The following PDE6A variants were observed in gnomAD, a reference collection of about 807,000 sequenced individuals.
The protein encoded by PDE6A is rod cGMP-specific 3',5'-cyclic phosphodiesterase subunit alpha.
A neutral mutation model predicts 106.3 loss-of-function variants in PDE6A; 84 were observed. The observed-to-expected ratio is 0.79, with a 90% CI of 0.66 to 0.95. The LOEUF (loss-of-function observed/expected upper bound fraction) is 0.95, where lower values mean the gene tolerates loss of function less well. Among genes scored for constraint, PDE6A ranks in the 40% least tolerant of loss-of-function variants. The pLI, the probability that PDE6A is intolerant of heterozygous loss-of-function variation, is 0.00. For missense variants in PDE6A, 1,052 were observed against 1,084.9 expected (o/e 0.97, Z 0.43); for synonymous variants, 394 against 386.6 (o/e 1.02, Z -0.23).
At chr5:149,885,418 A>G (rs977515461) in intron 14 of PDE6A, among the ~76,000 whole-genome samples, 2 of 152,204 alleles carry the variant, frequency 1.3e-5, no homozygotes, top group African/African-American at 4.8e-5. Flanking sequence ...TGCTCTGCCC[A>G]GCCCACTGGG....
At chr5:149,871,683 TGCGAGGGGATGG>T (rs1760561071) in intron 17 of PDE6A, among the ~76,000 whole-genome samples, 1 of 152,106 alleles carries the variant, frequency 6.6e-6, no homozygotes, top group African/African-American at 2.4e-5. Flanking sequence ...CAGGCGCCGC[TGCGAGGGGATGG>T]TTTTCATGCT....
chr5:149,918,449 T>G (rs1192174055), intron 5 of PDE6A, among the ~76,000 whole-genome samples: 1 of 152,192 alleles, frequency 6.6e-6, no homozygotes, highest in Non-Finnish European at 1.5e-5. Flanking sequence ...ACCTAAATGT[T>G]CCTGCAAAGA....
At chr5:149,882,982 T>C (rs1048764885) in intron 17 of PDE6A, among the ~76,000 whole-genome samples, 2 of 152,078 alleles carry the variant, frequency 1.3e-5, no homozygotes, top group African/African-American at 4.8e-5. Flanking sequence ...TGCTTGAACC[T>C]GGGAGGCGGA....
chr5:149,902,842 G>A (rs1254323970), intron 8 of PDE6A, among the ~76,000 whole-genome samples: 1 of 150,078 alleles, frequency 6.7e-6, no homozygotes, highest in Non-Finnish European at 1.5e-5. Flanking sequence ...AAACCAAGGA[G>A]AGAGAAATTA....
intron 7 of PDE6A, among the ~76,000 whole-genome samples, chr5:149,906,870 G>A (rs943988556): frequency 3.3e-5 from 5 of 151,976 alleles, no homozygotes; most frequent in Non-Finnish European, 1.5e-5. Flanking sequence ...CTCCCAGGTT[G>A]AGGTGATTCT....
In PDE6A at chr5:149,921,620, T is replaced by C. The variant is rs1432984935; in HGVS notation, c.933+15A>G. The C allele has an allele frequency of 1.9e-6, 3 of 1,601,318 alleles. No homozygotes were observed. In the South Asian group the frequency reaches 3.3e-5, roughly 18 times the overall value. ...AATATATTAAATCATACTGAAAAGG[T>C]CAGAGAGAACGTACTCTTCCATCCG... On this transcript the variant is annotated intron_variant, in intron 5 of 21. Transcript: ENST00000255266.
At chr5:149,886,217 TG>T in intron 14 of PDE6A, 47 bp downstream of exon 14, 1 of 1,353,888 alleles carries the variant, frequency 7.4e-7, no homozygotes, top group Non-Finnish European at 1.1e-6. Context: ...CACACAGAGC[TG>T]GATAATGAAT....
chr5:149,920,167 A>G (rs773939735), intron 5 of PDE6A, among the ~76,000 whole-genome samples: 4 of 152,164 alleles, frequency 2.6e-5, no homozygotes, highest in Non-Finnish European at 5.9e-5. Context: ...ATCTCTATAT[A>G]AAAAACAAAA....
intron 4 of PDE6A, among the ~76,000 whole-genome samples, chr5:149,924,125 T>C (rs1259413762): frequency 6.6e-6 from 1 of 152,152 alleles, no homozygotes; most frequent in Non-Finnish European, 1.5e-5. Flanking sequence ...ACCTGCTGAC[T>C]GCTAGTTATA....
At chr5:149,871,671 C>G (rs1760559610) in intron 17 of PDE6A, among the ~76,000 whole-genome samples, 1 of 152,090 alleles carries the variant, frequency 6.6e-6, no homozygotes, top group South Asian at 2.1e-4. Context: ...CCATGCAGAG[C>G]CCAGGCGCCG....
At chr5:149,936,702 C>G (rs1055273227) in intron 1 of PDE6A, among the ~76,000 whole-genome samples, 3 of 152,170 alleles carry the variant, frequency 2.0e-5, no homozygotes, top group African/African-American at 7.2e-5. Flanking sequence ...TCTAAACAAC[C>G]ATGTCACAGA....
chr5:149,908,079 TGTTA>T (rs984925046), intron 6 of PDE6A, among the ~76,000 whole-genome samples: 1 of 152,258 alleles, frequency 6.6e-6, no homozygotes, highest in Non-Finnish European at 1.5e-5. Context: ...TTCCTGTACC[TGTTA>T]GTTTAATTTT....
rs1223928977 is a variant in PDE6A, at chr5:149,896,375, T to C, written c.1601A>G (p.Lys534Arg). The C allele has an allele frequency of 6.2e-7, 1 of 1,614,024 alleles. No individual in the cohort carries two copies. Among genetic ancestry groups the C allele is most frequent in the Non-Finnish European group, 8.5e-7 (1 of 1,179,860 alleles). Residue 534 changes from lysine to arginine, a missense_variant, in exon 12 of 22, where the codon AAA becomes AGA. Transcript: ENST00000255266. Reference sequence around the variant, plus strand: ...CCTCACCTCTTGTGGAATGTGAAATTTATCCACCACTTTGAGCTCATAATA... The same window carrying C: ...CCTCACCTCTTGTGGAATGTGAAATCTATCCACCACTTTGAGCTCATAATA... ...QMYYELKVVD[K>R]FHIPQEALVR...
intron 4 of PDE6A, among the ~76,000 whole-genome samples, chr5:149,926,979 CAAAAAAAAAA>C (rs539891462): frequency 1.4e-5 from 1 of 70,450 alleles, no homozygotes; most frequent in Non-Finnish European, 2.9e-5. Context: ...ACTCCGTCTC[CAAAAAAAAAA>C]AAAAAAAAAG....
At position 149,944,435 on chromosome 5, in the gene PDE6A, T is replaced by G. The variant is rs761462909; in HGVS notation, c.239A>C (p.Asn80Thr). The G allele has an allele frequency of 1.9e-6, 3 of 1,613,964 alleles. No individual in the cohort carries two copies. The Admixed American group carries it at 5.0e-5, about 27-fold the overall frequency. The change falls in exon 1 of 22, where the codon AAT becomes ACT. Residue 80 changes from asparagine (N) to threonine (T), a missense_variant. Asn to Thr is a moderately conservative substitution (Grantham distance 65). Coordinates refer to ENST00000255266, the MANE Select transcript of PDE6A (RefSeq NM_000440.3). Reference protein sequence around the residue: ...ENLQTEKCIFNVMKKLCFLLQ... With the variant: ...ENLQTEKCIFTVMKKLCFLLQ... ...GAGGAAGCACAGCTTCTTCATGACA[T>G]TGAAGATGCATTTCTCTGTCTGTAA...
chr5:149,876,758 A>T (rs1760755579), intron 17 of PDE6A, among the ~76,000 whole-genome samples: 1 of 152,174 alleles, frequency 6.6e-6, no homozygotes, highest in Non-Finnish European at 1.5e-5. Context: ...TGCCCGTCTC[A>T]GCCTCCCCAC....
intron 8 of PDE6A, among the ~76,000 whole-genome samples, chr5:149,902,548 C>T (rs528990506): frequency 1.7e-4 from 26 of 151,460 alleles, no homozygotes; most frequent in Non-Finnish European, 3.4e-4. Context: ...AGGTCAGGCG[C>T]GGTAGCTCAT....
At chr5:149,931,416 G>C (rs552899372) in intron 3 of PDE6A, among the ~76,000 whole-genome samples, 15 of 151,088 alleles carry the variant, frequency 9.9e-5, no homozygotes, top group African/African-American at 3.4e-4. Context: ...TTATTCTGTA[G>C]TTTTTAAAAA....
chr5:149,912,913 A>T (rs1481668821), intron 6 of PDE6A, among the ~76,000 whole-genome samples: 1 of 152,148 alleles, frequency 6.6e-6, no homozygotes, highest in Non-Finnish European at 1.5e-5. Flanking sequence ...GTAGGATGTG[A>T]TGCTGGTCAA....
Sources: allele counts gnomAD v4.1 joint callset (sites outside exome capture counted in the v4.1 genomes callset), GRCh38; gene constraint gnomAD v4.1.1; transcripts MANE v1.5; gene names NCBI Gene and HGNC (gene_info 2026-07-23, HGNC 2026-07-21).